Variants in ADPRH observed in about 807,000 individuals in gnomAD.
The protein encoded by ADPRH is ADP-ribose-L-arginine cleaving enzyme.
In ADPRH, 27 loss-of-function variants were observed where a neutral mutation model predicts 28.8. The observed-to-expected ratio is 0.94, with a 90% CI of 0.69 to 1.29. The LOEUF is 1.29. Among genes scored for constraint, ADPRH ranks in the 50% most tolerant of loss-of-function variants. The pLI is 0.00. For missense variants in ADPRH, 419 were observed against 444.8 expected (o/e 0.94, Z 0.52); for synonymous variants, 161 against 166.9 (o/e 0.96, Z 0.27).
At chr3:119,579,979 C>T (rs149488817) in intron 1 of ADPRH, 128 bp downstream of exon 1, 1 of 152,426 alleles carries the variant, frequency 6.6e-6, no homozygotes, top group Non-Finnish European at 1.5e-5. Flanking sequence ...CGTTTCTTTC[C>T]AAAGCCGGGC....
At chr3:119,580,037 G>T (rs1459897771) in intron 1 of ADPRH, 186 bp downstream of exon 1, 2 of 152,268 alleles carry the variant, frequency 1.3e-5, no homozygotes, top group African/African-American at 2.4e-5. Context: ...TGTATAGTTC[G>T]GGTACGAGAA....
At chr3:119,583,706 G>A (rs1179126609) in intron 3 of ADPRH, among the ~76,000 whole-genome samples, 1 of 151,958 alleles carries the variant, frequency 6.6e-6, no homozygotes, top group Non-Finnish European at 1.5e-5. Context: ...GAGTCCAGGA[G>A]TTTGAGACCA....
At chr3:119,584,481 T>G (rs909678766) in intron 3 of ADPRH, among the ~76,000 whole-genome samples, 3 of 152,072 alleles carry the variant, frequency 2.0e-5, no homozygotes, top group Admixed American at 6.6e-5. Context: ...GAGAATCACT[T>G]GAACCCCAGA....
In ADPRH at chr3:119,582,446, G is replaced by A; in HGVS notation, c.277G>A (p.Asp93Asn). ...TAAGCATTACCAAGACTGCATGGAAGACATGGATGGGCGGGCACCAGGTGA... is the reference window on the plus strand; with the variant it reads ...TAAGCATTACCAAGACTGCATGGAAAACATGGATGGGCGGGCACCAGGTGA... ...LAKHYQDCME[D>N]MDGRAPGGAS... Residue 93 changes from aspartate (D) to asparagine (N), a missense_variant, in exon 3 of 5, where the codon GAC (aspartate) becomes AAC (asparagine). Transcript: ENST00000357003. 6.2e-7 allele frequency: 1 copy of A among 1,613,372 alleles called. No individual in the cohort carries two copies. The highest frequency in any genetic ancestry group is 2.2e-5 in the East Asian group (1 of 44,874).
intron 2 of ADPRH, 118 bp from the exon 3 acceptor site, chr3:119,582,016 G>A: frequency 1.3e-6 from 1 of 741,022 alleles, no homozygotes; most frequent in Non-Finnish European, 2.2e-6. Context: ...TACATGAGAT[G>A]CCACTGATAC....
At position 119,586,485 on chromosome 3, in the gene ADPRH, A is replaced by G. The variant is rs139344767; in HGVS notation, c.499A>G (p.Thr167Ala). Residue 167 changes from threonine to alanine, a missense_variant, in exon 4 of 5, where the codon ACA becomes GCA. Physicochemically the swap from Thr to Ala is moderately conservative, Grantham distance 58 (BLOSUM62 0). Coordinates refer to ENST00000357003, the MANE Select transcript of ADPRH (RefSeq NM_001125.4). ...TGGTCGGATGACCCACCACCACCCA[A>G]CAGGCTACCTGGGGGCCCTTGCGTC... ...ESGRMTHHHP[T>A]GYLGALASAL... is the part of the protein sequence containing the mutation. 1.2e-5 allele frequency: 20 copies of G among 1,614,084 alleles called. No individual in the cohort carries two copies. In the African/African-American group the frequency reaches 1.7e-4, roughly 14 times the overall value.
At position 119,586,553 on chromosome 3, in the gene ADPRH, G is replaced by T; in HGVS notation, c.567G>T (p.Leu189Phe). 1 of 1,614,150 alleles carries T rather than the reference G, an allele frequency of 6.2e-7. No homozygotes were observed. The change falls in exon 4 of 5, where the codon TTG becomes TTT. Residue 189 changes from leucine to phenylalanine, a missense_variant. Coordinates refer to ENST00000357003, the MANE Select transcript of ADPRH (RefSeq NM_001125.4). ...ATGCTGTGAATAGCAGACCACCCTTGCAGTGGGGAAAAGGACTGATGGAGC... is the reference window on the plus strand; with the variant it reads ...ATGCTGTGAATAGCAGACCACCCTTTCAGTGGGGAAAAGGACTGATGGAGC... ...TAYAVNSRPPLQWGKGLMELL... is the reference protein window; with the variant it reads ...TAYAVNSRPPFQWGKGLMELL...
rs999501196 is a variant in ADPRH, at chr3:119,588,496, T to C, written c.*618T>C. The C allele has an allele frequency of 2.0e-5, 3 of 152,214 alleles. No individual in the cohort carries two copies. The highest frequency in any genetic ancestry group is 4.4e-5 in the Non-Finnish European group (3 of 68,034). 9.4% of individuals were successfully genotyped at this position (152,214 alleles called of 1,614,324 possible). On this transcript the variant is annotated 3_prime_UTR_variant, in exon 5 of 5. Coordinates refer to ENST00000357003, the MANE Select transcript of ADPRH (RefSeq NM_001125.4). Reference sequence around the variant, plus strand: ...GAGGACCACTGCCAGGGATGCTAACTCCCTGGTAATTCTTGGCTTACCCTT... The same window carrying C: ...GAGGACCACTGCCAGGGATGCTAACCCCCTGGTAATTCTTGGCTTACCCTT...
chr3:119,587,389 A>G, intron 4 of ADPRH, 75 bp from the exon 5 acceptor site: 3 of 1,264,946 alleles, frequency 2.4e-6, no homozygotes, highest in Non-Finnish European at 3.2e-6. Flanking sequence ...CTGTTCACAC[A>G]TCCATCTGGT....
chr3:119,583,269 ATAAT>A (rs2082424785), intron 3 of ADPRH, among the ~76,000 whole-genome samples: 1 of 152,168 alleles, frequency 6.6e-6, no homozygotes, highest in African/African-American at 2.4e-5. Context: ...TAAATCTCTC[ATAAT>A]TAATTAAGCT....
rs772399151 is a variant in ADPRH, at chr3:119,587,552, G to A, written c.748G>A (p.Gly250Ser). 1.6e-5 allele frequency: 25 copies of A among 1,610,758 alleles called. No homozygotes were observed. The highest frequency in any genetic ancestry group is 2.0e-5 in the Non-Finnish European group (23 of 1,178,340). The change falls in exon 5 of 5, where the codon GGT becomes AGT. Residue 250 changes from glycine to serine, a missense_variant. Gly to Ser is a moderately conservative substitution (Grantham distance 56, BLOSUM62 0). Transcript: ENST00000357003. ...AGCCCCTACCTTCCCTGAGTCTTTC[G>A]GTGTGAAGGAGAGGGATCAGTTCTA... Reference protein sequence around the residue: ...ESAPTFPESFGVKERDQFYTS... With the variant: ...ESAPTFPESFSVKERDQFYTS...
chr3:119,586,740 A>C (rs1165891004), intron 4 of ADPRH, 95 bp downstream of exon 4: 12 of 1,524,832 alleles, frequency 7.9e-6, no homozygotes, highest in Non-Finnish European at 1.1e-5. Context: ...AGATCACAGC[A>C]ACCCTCATGG....
At chr3:119,583,631 G>A (rs1366966536) in intron 3 of ADPRH, among the ~76,000 whole-genome samples, 4 of 152,066 alleles carry the variant, frequency 2.6e-5, no homozygotes, top group East Asian at 3.8e-4. Flanking sequence ...GATCTGTGGG[G>A]CCAAGTGCTG....
At chr3:119,583,179 G>C (rs2082424012) in intron 3 of ADPRH, among the ~76,000 whole-genome samples, 1 of 152,096 alleles carries the variant, frequency 6.6e-6, no homozygotes, top group Admixed American at 6.5e-5. Flanking sequence ...CAGTGAGCTA[G>C]GATCGTGCCA....
At chr3:119,586,756 A>G in intron 4 of ADPRH, 111 bp downstream of exon 4, 1 of 1,456,812 alleles carries the variant, frequency 6.9e-7, no homozygotes, top group Non-Finnish European at 9.2e-7. Context: ...CATGGTTTTC[A>G]CCCCCAGCCC....
At chr3:119,581,933 A>G (rs2082408076) in intron 2 of ADPRH, 4 of 462,532 alleles carry the variant, frequency 8.6e-6, no homozygotes, top group Non-Finnish European at 1.5e-5. Flanking sequence ...CTCAAACTGC[A>G]TTATCTCCAT....
At chr3:119,582,799 T>A (rs1470130609) in intron 3 of ADPRH, among the ~76,000 whole-genome samples, 2 of 152,100 alleles carry the variant, frequency 1.3e-5, no homozygotes, top group African/African-American at 2.4e-5. Context: ...AGGAAGTGAG[T>A]GATGGGCGAA....
chr3:119,589,300 A>G lies in ADPRH; in HGVS notation c.*1422A>G, dbSNP rs1577127862. 1 of 152,296 alleles carries G rather than the reference A, an allele frequency of 6.6e-6. No homozygotes were observed. The highest frequency in any genetic ancestry group is 2.1e-4 in the South Asian group (1 of 4,822). 9.4% of individuals were successfully genotyped at this position (152,296 alleles called of 1,614,324 possible). On this transcript the variant is annotated 3_prime_UTR_variant, in exon 5 of 5. Transcript: ENST00000357003. ...ATGCCATCGTCACATTCATTTGGTC[A>G]CCCTCAGTCCAGCCAGTGGGCTTGC...
At position 119,586,427 on chromosome 3, in the gene ADPRH, A is replaced by G; in HGVS notation, c.441A>G (p.Gln147=). The G allele has an allele frequency of 6.2e-7, 1 of 1,614,210 alleles. No individual in the cohort carries two copies. The change falls in exon 4 of 5, where the codon CAA becomes CAG. Residue 147 remains glutamine (Q), a synonymous_variant. Transcript: ENST00000357003. Reference sequence around the variant, plus strand: ...GTCTCAGGTTCCCACACCATAGCCAACTGGACACACTGATCCAAGTGAGCA... The same window carrying G: ...GTCTCAGGTTCCCACACCATAGCCAGCTGGACACACTGATCCAAGTGAGCA... The part of the protein sequence containing the change: ...CIGLRFPHHS[Q]LDTLIQVSIE...
Sources: gnomAD v4.1 joint callset for allele counts (sites outside exome capture counted in the v4.1 genomes callset) on GRCh38, gnomAD v4.1.1 for gene constraint, MANE v1.5 for transcripts, NCBI Gene and HGNC (gene_info 2026-07-23, HGNC 2026-07-21) for gene names.